The following SCIN variants were observed in gnomAD, a reference collection of about 807,000 sequenced individuals.
The protein encoded by SCIN is scinderin.
In SCIN, 91 loss-of-function variants were observed where a neutral mutation model predicts 91.8. That is an observed-to-expected ratio of 0.99 (90% CI 0.84 to 1.18). The LOEUF is 1.18. Ranked by LOEUF, SCIN falls within the 50% of genes most tolerant of loss-of-function variation. The probability of loss-of-function intolerance (pLI) is 0.00; values close to 1 mark genes in which losing one functional copy is unlikely to be tolerated. For synonymous variants in SCIN, 367 were observed against 312.6 expected (o/e 1.17, Z -1.84); for missense variants, 1,087 against 863.9 (o/e 1.26, Z -3.24).
At chr7:12,600,525 G>C (rs1396479252) in intron 3 of SCIN, among the ~76,000 whole-genome samples, 3 of 152,140 alleles carry the variant, frequency 2.0e-5, no homozygotes, top group African/African-American at 7.2e-5. Flanking sequence ...CAAAAACAAA[G>C]ATACGTGTAG....
intron 3 of SCIN, among the ~76,000 whole-genome samples, chr7:12,602,872 G>C (rs764286050): frequency 6.6e-6 from 1 of 152,228 alleles, no homozygotes; most frequent in Admixed American, 6.5e-5. Context: ...CACAATTATA[G>C]TGGTCCTGAG....
chr7:12,578,807 A>G (rs1395314657), intron 2 of SCIN, among the ~76,000 whole-genome samples: 4 of 151,950 alleles, frequency 2.6e-5, no homozygotes, highest in Admixed American at 1.3e-4. Context: ...ATTTATGCAC[A>G]CTGGTCTGAA....
chr7:12,649,332 C>A, intron 13 of SCIN, 135 bp from the exon 14 acceptor site: 1 of 495,972 alleles, frequency 2.0e-6, no homozygotes. Context: ...ATTTTTATTA[C>A]GTGAAAAAGA....
In SCIN at chr7:12,626,781, T is replaced by C. The variant is rs192482590; in HGVS notation, c.1179T>C (p.Asp393=). ...CAGCCCAGCACAATATGGTGGATGA[T>C]GGTTCTGGCAAAGTGGAGGTATTTA... The part of the protein sequence containing the change: ...QMAAQHNMVD[D]GSGKVEIWRV... The change falls in exon 8 of 16, where the codon GAT becomes GAC. Residue 393 remains aspartate (D), a synonymous_variant. Coordinates refer to ENST00000297029, the MANE Select transcript of SCIN (RefSeq NM_001112706.3). The C allele has an allele frequency of 3.2e-4, 515 of 1,609,436 alleles. 1 individual carries two copies. Among genetic ancestry groups the C allele is most frequent in the Middle Eastern group, 3.1e-3 (19 of 6,058 alleles).
chr7:12,578,173 G>C lies in SCIN; in HGVS notation c.309G>C (p.Glu103Asp). Residue 103 changes from glutamate to aspartate, a missense_variant, in exon 2 of 16, where the codon GAG (glutamate) becomes GAC (aspartate). By Grantham distance (45) the Glu-to-Asp change is conservative. Coordinates refer to ENST00000297029, the MANE Select transcript of SCIN (RefSeq NM_001112706.3). ...PVQNRELQGY[E>D]SNDFVSYFKG... ...AGAATAGAGAACTTCAAGGATATGAGTCTAATGACTTTGTTAGCTATTTCA... is the reference window on the plus strand; with the variant it reads ...AGAATAGAGAACTTCAAGGATATGACTCTAATGACTTTGTTAGCTATTTCA... 1 of 1,550,296 alleles carries C rather than the reference G, an allele frequency of 6.5e-7. No individual in the cohort carries two copies. The highest frequency in any genetic ancestry group is 1.2e-5 in the South Asian group (1 of 83,698).
intron 3 of SCIN, among the ~76,000 whole-genome samples, chr7:12,599,316 G>A (rs1046756076): frequency 2.6e-5 from 4 of 151,964 alleles, no homozygotes; most frequent in African/African-American, 9.7e-5. Flanking sequence ...AAAATATCAT[G>A]GAATAAGATA....
intron 13 of SCIN, among the ~76,000 whole-genome samples, chr7:12,644,950 G>A (rs983988921): frequency 1.7e-4 from 25 of 149,984 alleles, no homozygotes; most frequent in African/African-American, 6.2e-4. Flanking sequence ...AGGAGGCGGA[G>A]GTTGCAGTGA....
chr7:12,601,556 A>T (rs774400371), intron 3 of SCIN, among the ~76,000 whole-genome samples: 1 of 152,178 alleles, frequency 6.6e-6, no homozygotes, highest in Admixed American at 6.5e-5. Context: ...ATTATTAGCC[A>T]ATTTTTCTAC....
intron 5 of SCIN, among the ~76,000 whole-genome samples, chr7:12,623,282 C>A (rs1207707165): frequency 6.6e-6 from 1 of 152,018 alleles, no homozygotes; most frequent in Non-Finnish European, 1.5e-5. Context: ...AAAACATTGT[C>A]TTTAGCCATA....
chr7:12,635,904 A>G (rs763087262), intron 9 of SCIN, 141 bp from the exon 10 acceptor site: 6 of 649,528 alleles, frequency 9.2e-6, no homozygotes, highest in Non-Finnish European at 1.6e-5. Flanking sequence ...GACAAAAACA[A>G]TAGCTTAACA....
At chr7:12,583,069 A>G (rs1456493964) in intron 3 of SCIN, among the ~76,000 whole-genome samples, 2 of 152,106 alleles carry the variant, frequency 1.3e-5, no homozygotes, top group Non-Finnish European at 2.9e-5. Context: ...CTTCCCAGTG[A>G]TAATGTAATT....
Position 12,604,540 on chromosome 7 carries a change from G to A in SCIN, c.543G>A (p.Ser181=), listed in dbSNP as rs201798912. The part of the protein sequence containing the change: ...GTEIYQWCGS[S]CNKYERLKAN... ...AAATTTATCAGTGGTGTGGTTCCTC[G>A]TGCAACAAATATGAACGTCTGAAGG... Residue 181 remains serine (S), a synonymous_variant, in exon 4 of 16, where the codon TCG becomes TCA. Transcript: ENST00000297029. 104 of 1,551,530 alleles carry A rather than the reference G, an allele frequency of 6.7e-5. No homozygotes were observed. Among genetic ancestry groups the A allele is most frequent in the African/African-American group, 6.6e-4 (48 of 73,056 alleles).
chr7:12,599,204 T>C (rs1201133195), intron 3 of SCIN, among the ~76,000 whole-genome samples: 2 of 152,210 alleles, frequency 1.3e-5, no homozygotes, highest in Admixed American at 1.3e-4. Flanking sequence ...AAAAGAAAAC[T>C]TGACTTTTAA....
intron 3 of SCIN, among the ~76,000 whole-genome samples, chr7:12,601,955 T>A (rs1438624832): frequency 2.0e-5 from 3 of 152,228 alleles, no homozygotes; most frequent in Non-Finnish European, 4.4e-5. Flanking sequence ...CTCTTATTGA[T>A]GGGCATTTGT....
At chr7:12,652,355 A>G (rs559480732) in intron 15 of SCIN, among the ~76,000 whole-genome samples, 2 of 152,332 alleles carry the variant, frequency 1.3e-5, no homozygotes, top group East Asian at 3.9e-4. Context: ...GTTGCCTTTC[A>G]TGGCAGACGA....
At chr7:12,633,072 G>A (rs749420637) in intron 9 of SCIN, among the ~76,000 whole-genome samples, 9 of 152,180 alleles carry the variant, frequency 5.9e-5, no homozygotes, top group Non-Finnish European at 1.3e-4. Context: ...CAGTTCCGTT[G>A]AAGACTGGCT....
chr7:12,608,332 C>CACACACAT (rs891098329), intron 4 of SCIN, among the ~76,000 whole-genome samples: 2 of 151,826 alleles, frequency 1.3e-5, no homozygotes, highest in Admixed American at 1.3e-4. Flanking sequence ...CACACACACA[C>CACACACAT]ACACACACAC....
chr7:12,645,426 C>G (rs1239306538), intron 13 of SCIN, among the ~76,000 whole-genome samples: 1 of 152,200 alleles, frequency 6.6e-6, no homozygotes, highest in Non-Finnish European at 1.5e-5. Flanking sequence ...TGCTACTGTT[C>G]TGAATCTCAG....
At chr7:12,641,655 A>G (rs962071873) in intron 11 of SCIN, among the ~76,000 whole-genome samples, 2 of 152,112 alleles carry the variant, frequency 1.3e-5, no homozygotes, top group Non-Finnish European at 2.9e-5. Flanking sequence ...CAATAACTAT[A>G]GCTCCTCAGA....
Sources: allele counts gnomAD v4.1 joint callset (sites outside exome capture counted in the v4.1 genomes callset), GRCh38; gene constraint gnomAD v4.1.1; transcripts MANE v1.5; gene names NCBI Gene and HGNC (gene_info 2026-07-23, HGNC 2026-07-21).